The following WWC1 variants were observed in gnomAD, a reference collection of about 807,000 sequenced individuals.
WWC1 encodes the protein WW and C2 domain containing 1.
A neutral mutation model predicts 138.4 loss-of-function variants in WWC1; 55 were observed. The ratio of observed to expected loss-of-function variants is 0.40; its 90% CI spans 0.32 to 0.50. WWC1 has a LOEUF of 0.50. Among genes scored for constraint, WWC1 ranks in the 20% least tolerant of loss-of-function variants. The probability of loss-of-function intolerance (pLI) is 0.72; values close to 1 mark genes in which losing one functional copy is unlikely to be tolerated. For missense variants in WWC1, 1,226 were observed against 1,420.4 expected (o/e 0.86, Z 2.20); for synonymous variants, 524 against 564.9 (o/e 0.93, Z 1.03).
chr5:168,396,952 CTTTTAT>C (rs1479447251), intron 3 of WWC1, among the ~76,000 whole-genome samples: 2 of 151,610 alleles, frequency 1.3e-5, no homozygotes, highest in Non-Finnish European at 2.9e-5. Context: ...ATCAACAATA[CTTTTAT>C]TTTTTTCTGA....
In WWC1 at chr5:168,386,939, C is replaced by T. The variant is rs372349597; in HGVS notation, c.433+1525C>T. ...TGCTGGGATTACAGGTGTGAGCCAC[C>T]ATGCCAAGCCTCACTGTTTCTAATA... On this transcript the variant is annotated intron_variant, in intron 3 of 22. Coordinates refer to ENST00000265293, the MANE Select transcript of WWC1 (RefSeq NM_015238.3). Among the ~76,000 whole-genome samples the T allele has an allele frequency of 2.0e-4, 31 of 152,318 alleles. No individual in the cohort carries two copies. In the East Asian group the frequency reaches 5.4e-3, roughly 27 times the overall value.
At chr5:168,401,782 CTTT>C in intron 5 of WWC1, among the ~76,000 whole-genome samples, 1 of 152,292 alleles carries the variant, frequency 6.6e-6, no homozygotes, top group Non-Finnish European at 1.5e-5. Flanking sequence ...GGATTCTGAA[CTTT>C]TTAAGGCCTG....
chr5:168,366,728 C>T (rs1203386939), intron 1 of WWC1, among the ~76,000 whole-genome samples: 1 of 151,774 alleles, frequency 6.6e-6, no homozygotes, highest in Non-Finnish European at 1.5e-5. Context: ...GTTTCAGTCC[C>T]GTCCTCCTAA....
chr5:168,392,547 T>G (rs59944075), intron 3 of WWC1, among the ~76,000 whole-genome samples: 23,035 of 151,994 alleles, frequency 0.15, 1,863 homozygotes, highest in Middle Eastern at 0.21. Context: ...AAGAAAATTA[T>G]CCGAGTGTGG....
chr5:168,371,363 C>A, intron 1 of WWC1, 61 bp from the exon 2 acceptor site: 3 of 1,257,450 alleles, frequency 2.4e-6, no homozygotes, highest in Admixed American at 1.8e-5. Context: ...AGGGAAGCAG[C>A]AGGTTGCAGG....
rs752859733 is a variant in WWC1 at position 168,408,591 on chromosome 5, T to G, written c.805T>G (p.Ser269Ala). The change falls in exon 7 of 23, where the codon TCG (serine) becomes GCG (alanine). Residue 269 changes from serine (S) to alanine (A), a missense_variant. Around this residue, in one of 3 missense-constraint regions of WWC1, gnomAD observed 1,016 missense variants for 1,153.9 expected, o/e 0.88. Coordinates refer to ENST00000265293, the MANE Select transcript of WWC1 (RefSeq NM_015238.3). Reference protein sequence around the residue: ...LWSSSSSLESSSFPLPKQYLD... With the variant: ...LWSSSSSLESASFPLPKQYLD... Reference sequence around the variant, plus strand: ...GTCCAGCAGCAGCTCTCTGGAGAGTTCGAGTTTCCCGCTACCGAAACAGTA... The same window carrying G: ...GTCCAGCAGCAGCTCTCTGGAGAGTGCGAGTTTCCCGCTACCGAAACAGTA... The G allele has an allele frequency of 6.2e-7, 1 of 1,614,128 alleles. No homozygotes were observed. Among genetic ancestry groups the G allele is most frequent in the East Asian group, 2.2e-5 (1 of 44,864 alleles).
chr5:168,292,271 G>A lies in WWC1; in HGVS notation c.119G>A (p.Arg40Lys). ...ACCAGCTGGATCGACCCGCGGGACA[G>A]GTAGGACCCTGGAACCCTCCTCCGT... ...RTTSWIDPRD[R>K]YTKPLTFADC... Residue 40 changes from arginine to lysine, a missense_variant and splice_region_variant, in exon 1 of 23, where the codon AGG becomes AAG. This residue lies in a region of WWC1 where 1,016 missense variants were observed against 1,153.9 expected (regional missense o/e 0.88). Coordinates refer to ENST00000265293, the MANE Select transcript of WWC1 (RefSeq NM_015238.3). The surrounding 1 kb of genome is among the most constrained non-coding windows in gnomAD (Gnocchi z 4.4). 7.5e-6 allele frequency: 12 copies of A among 1,596,456 alleles called. No homozygotes were observed. The highest frequency in any genetic ancestry group is 1.0e-5 in the Non-Finnish European group (12 of 1,172,426).
At chr5:168,454,141 G>A (rs3733978) in intron 18 of WWC1, 41 bp downstream of exon 18, 11 of 1,598,692 alleles carry the variant, frequency 6.9e-6, no homozygotes, top group Non-Finnish European at 8.5e-6. Flanking sequence ...TCGTGGGGAA[G>A]GAACCTTCAA....
intron 1 of WWC1, among the ~76,000 whole-genome samples, chr5:168,293,210 A>G (rs918486159): frequency 2.6e-5 from 4 of 152,152 alleles, no homozygotes; most frequent in African/African-American, 9.7e-5. Flanking sequence ...GCACACACAC[A>G]CATACATTCA....
chr5:168,336,137 C>G (rs1320573967), intron 1 of WWC1, among the ~76,000 whole-genome samples: 4 of 152,192 alleles, frequency 2.6e-5, no homozygotes, highest in Non-Finnish European at 5.9e-5. Flanking sequence ...CTCAGCCCAC[C>G]TGGATATGTG....
At chr5:168,426,615 G>A (rs909412440) in intron 11 of WWC1, among the ~76,000 whole-genome samples, 9 of 152,248 alleles carry the variant, frequency 5.9e-5, no homozygotes, top group Non-Finnish European at 1.2e-4. Context: ...GTTTAGTGGA[G>A]GGTGGAGATG....
rs753165717 is a variant in WWC1, at chr5:168,430,133, T to G, written c.2001-4T>G. The G allele has an allele frequency of 6.2e-7, 1 of 1,609,208 alleles. No homozygotes were observed. The highest frequency in any genetic ancestry group is 1.1e-5 in the South Asian group (1 of 90,902). On this transcript the variant is annotated splice_region_variant and splice_polypyrimidine_tract_variant and intron_variant, in intron 13 of 22. Transcript: ENST00000265293. Reference sequence around the variant, plus strand: ...GGTACTTCATATGCCCCTTTTCATTTCAGGTATGATGAGAAGAATAAGCAA... The same window carrying G: ...GGTACTTCATATGCCCCTTTTCATTGCAGGTATGATGAGAAGAATAAGCAA...
In WWC1 at chr5:168,371,547, G is replaced by T; in HGVS notation, c.229+14G>T. On this transcript the variant is annotated intron_variant, in intron 2 of 22. Transcript: ENST00000265293. The stretch of plus-strand genomic sequence containing the variant: ...ACCACAACACCAGTAAGTTCCCGAC[G>T]GTCCTCCCTTCCCTGTGCCCTCTTC... 6.3e-7 allele frequency: 1 copy of T among 1,596,364 alleles called. No individual in the cohort carries two copies. Among genetic ancestry groups the T allele is most frequent in the Non-Finnish European group, 8.6e-7 (1 of 1,164,752 alleles).
At chr5:168,316,165 T>C (rs1771575093) in intron 1 of WWC1, among the ~76,000 whole-genome samples, 1 of 152,116 alleles carries the variant, frequency 6.6e-6, no homozygotes. Flanking sequence ...CGACCACGAT[T>C]TTCTCTGTGA....
Position 168,292,404 on chromosome 5 carries a change from C to A in WWC1, c.119+133C>A. 2.0e-6 allele frequency: 2 copies of A among 1,000,264 alleles called. No individual in the cohort carries two copies. The highest frequency in any genetic ancestry group is 2.9e-6 in the Non-Finnish European group (2 of 699,722). The allele number at this position is 1,000,264 out of a possible 1,614,324, so 62.0% of individuals were successfully genotyped here. The stretch of plus-strand genomic sequence containing the variant: ...CTCTTGAGCTCTCTTCAGTTCGCCA[C>A]CCCCTGCTCCCCCCAACCTTCTGGA... On this transcript the variant is annotated intron_variant, in intron 1 of 22. Coordinates refer to ENST00000265293, the MANE Select transcript of WWC1 (RefSeq NM_015238.3). The surrounding 1 kb of genome is among the most constrained non-coding windows in gnomAD (Gnocchi z 4.4).
chr5:168,467,913 A>G lies in WWC1; in HGVS notation c.3224A>G (p.His1075Arg). The change falls in exon 22 of 23, where the codon CAC becomes CGC. Residue 1075 changes from histidine (H) to arginine (R), a missense_variant. Transcript: ENST00000265293. The stretch of plus-strand genomic sequence containing the variant: ...ATGAGGGCAGCTGCCAAGGATGTGC[A>G]CAGGCTCCGAGGCCAGAGCTGTAAG... ...KMMRAAAKDV[H>R]RLRGQSCKEP... 6.2e-7 allele frequency: 1 copy of G among 1,614,244 alleles called. No homozygotes were observed. Among genetic ancestry groups the G allele is most frequent in the Non-Finnish European group, 8.5e-7 (1 of 1,180,034 alleles).
At chr5:168,308,870 T>C (rs1349556540) in intron 1 of WWC1, among the ~76,000 whole-genome samples, 3 of 152,212 alleles carry the variant, frequency 2.0e-5, no homozygotes, top group African/African-American at 7.2e-5. Context: ...CAGTCTTTCA[T>C]GGACTTTCAG....
chr5:168,333,739 G>A (rs1254133695), intron 1 of WWC1, among the ~76,000 whole-genome samples: 2 of 152,046 alleles, frequency 1.3e-5, no homozygotes, highest in Non-Finnish European at 2.9e-5. Context: ...TATCAGCCCA[G>A]GTTCATTATG....
At chr5:168,410,176 C>T in intron 8 of WWC1, 181 bp downstream of exon 8, 1 of 639,112 alleles carries the variant, frequency 1.6e-6, no homozygotes. Flanking sequence ...GGAAATGACT[C>T]ACCCAGGACA....
Sources: gnomAD v4.1 joint callset for allele counts (sites outside exome capture counted in the v4.1 genomes callset) on GRCh38, gnomAD v4.1.1 for gene constraint, gnomAD v4.1.1 regional missense constraint, Gnocchi (gnomAD v3.1) non-coding constraint, MANE v1.5 for transcripts, NCBI Gene and HGNC (gene_info 2026-07-23, HGNC 2026-07-21) for gene names.